PUM1: variants seen among roughly 807,000 people sequenced by gnomAD.
PUM1 encodes the protein pumilio RNA binding family member 1, also known as pumilio homolog 1.
A neutral mutation model predicts 131.8 loss-of-function variants in PUM1; 13 were observed. The ratio of observed to expected loss-of-function variants is 0.10; its 90% confidence interval spans 0.06 to 0.16. PUM1 has a LOEUF of 0.16. PUM1 is among the 10% of genes least tolerant of loss of function. The pLI, the probability that PUM1 is intolerant of heterozygous loss-of-function variation, is 1.00. For missense variants in PUM1, 961 were observed against 1,512.4 expected (o/e 0.64, Z 6.05); for synonymous variants, 509 against 556.5 (o/e 0.91, Z 1.20).
intron 2 of PUM1, among the ~76,000 whole-genome samples, chr1:31,032,521 G>A (rs55685399): frequency 0.017 from 2,575 of 150,198 alleles, 75 homozygotes; most frequent in African/African-American, 0.059. Flanking sequence ...TGTTTTTTGA[G>A]ACTCCTGCTC....
intron 21 of PUM1, 75 bp from the exon 22 acceptor site, chr1:30,933,417 C>T (rs1444301077): frequency 2.5e-5 from 30 of 1,205,660 alleles, no homozygotes; most frequent in Non-Finnish European, 3.4e-5. Context: ...CATGCATTTG[C>T]ATGTCATGCA....
chr1:31,027,929 G>C (rs1643285414), intron 3 of PUM1, among the ~76,000 whole-genome samples: 1 of 152,130 alleles, frequency 6.6e-6, no homozygotes, highest in South Asian at 2.1e-4. Context: ...TCAAATATTA[G>C]ATACACAAAA....
At chr1:31,030,269 T>G (rs539299498) in intron 2 of PUM1, among the ~76,000 whole-genome samples, 10 of 151,996 alleles carry the variant, frequency 6.6e-5, no homozygotes, top group Non-Finnish European at 1.5e-4. Context: ...TGAAAAACAA[T>G]GTTGACTACC....
intron 18 of PUM1, 95 bp downstream of exon 18, chr1:30,945,251 T>G: frequency 7.1e-7 from 1 of 1,404,052 alleles, no homozygotes; most frequent in South Asian, 1.2e-5. Flanking sequence ...ATAAAGTACA[T>G]TAAGCATATT....
intron 2 of PUM1, among the ~76,000 whole-genome samples, chr1:31,044,792 A>G (rs1643913072): frequency 6.6e-6 from 1 of 151,280 alleles, no homozygotes. Context: ...GCTAATTTTT[A>G]TTGTTTTGTT....
chr1:31,019,791 C>T (rs1341579438), intron 3 of PUM1, among the ~76,000 whole-genome samples: 2 of 152,118 alleles, frequency 1.3e-5, no homozygotes, highest in African/African-American at 4.8e-5. Flanking sequence ...GATGAAATTC[C>T]CAGAGTGAAT....
intron 3 of PUM1, among the ~76,000 whole-genome samples, chr1:31,017,524 CTT>C (rs747554543): frequency 6.9e-6 from 1 of 145,004 alleles, no homozygotes; most frequent in Admixed American, 6.9e-5. Flanking sequence ...TTTTTTTCTT[CTT>C]TTTTTTTTTT....
At chr1:31,046,160 G>A (rs1260577032) in intron 2 of PUM1, among the ~76,000 whole-genome samples, 1 of 152,052 alleles carries the variant, frequency 6.6e-6, no homozygotes, top group Non-Finnish European at 1.5e-5. Context: ...GCCAAGGTGG[G>A]CAGATCACCT....
At chr1:31,017,366 A>C (rs1642854547) in intron 3 of PUM1, among the ~76,000 whole-genome samples, 1 of 152,134 alleles carries the variant, frequency 6.6e-6, no homozygotes, top group Non-Finnish European at 1.5e-5. Context: ...GAAGAAATGA[A>C]CCTGGGATAG....
Position 30,951,330 on chromosome 1 carries a change from T to C in PUM1, c.2721+904A>G, listed in dbSNP as rs114232747. Among the ~76,000 whole-genome samples, 792 of 152,348 alleles carry C rather than the reference T, an allele frequency of 5.2e-3. 5 individuals are homozygous for C. The highest frequency in any genetic ancestry group is 0.018 in the African/African-American group (731 of 41,580). Reference sequence around the variant, plus strand: ...AAATCAAAAATACAAAAGTCATGTTTAGATTGGTTTCTTAGTCCAAAGCTG... The same window carrying C: ...AAATCAAAAATACAAAAGTCATGTTCAGATTGGTTTCTTAGTCCAAAGCTG... On this transcript the variant is annotated intron_variant, in intron 16 of 21. Coordinates refer to ENST00000426105, the MANE Select transcript of PUM1 (RefSeq NM_001020658.2).
At position 30,947,871 on chromosome 1, in the gene PUM1, ATTTTTTT is replaced by A. The variant is rs755403369; in HGVS notation, c.2856+2249_2856+2255del. Among the ~76,000 whole-genome samples, 10 of 141,226 alleles carry A rather than the reference ATTTTTTT, an allele frequency of 7.1e-5. No individual in the cohort carries two copies. In the East Asian group the frequency reaches 1.2e-3, roughly 17 times the overall value. The allele number at this position is 141,226 out of a possible 152,430, so 92.6% of individuals were successfully genotyped here. On this transcript the variant is annotated intron_variant, in intron 17 of 21. Transcript: ENST00000426105. ...TTAACCAAGTGTCAGAAGGGAATAA[ATTTTTTT>A]TTTTTTTTTTTTTGAAACAGGGTCT...
chr1:31,057,591 G>T (rs1004139373), intron 2 of PUM1, among the ~76,000 whole-genome samples: 15 of 151,692 alleles, frequency 9.9e-5, no homozygotes, highest in Non-Finnish European at 1.8e-4. Context: ...CAGGTATGGA[G>T]GTGGGTGCCT....
rs1215179873 is a variant in PUM1 at position 30,936,983 on chromosome 1, C to T, written c.3243-148G>A. The T allele has an allele frequency of 2.7e-5, 18 of 655,458 alleles. No individual in the cohort carries two copies. The East Asian group carries it at 4.3e-4, about 16-fold the overall frequency. 40.6% of individuals were successfully genotyped at this position (655,458 alleles called of 1,614,324 possible). A position where few individuals can be genotyped will look rare whatever the true frequency, so the allele number is the denominator to read the frequency against. Reference sequence around the variant, plus strand: ...GGAAGATGAGTCGCCAACTGTCTGACTCTCTCAGTCTCTGACTCTCCACCT... The same window carrying T: ...GGAAGATGAGTCGCCAACTGTCTGATTCTCTCAGTCTCTGACTCTCCACCT... On this transcript the variant is annotated intron_variant, in intron 20 of 21. Transcript: ENST00000426105.
intron 3 of PUM1, among the ~76,000 whole-genome samples, chr1:31,008,688 G>C (rs917068499): frequency 2.0e-5 from 3 of 152,060 alleles, no homozygotes; most frequent in African/African-American, 7.2e-5. Context: ...TTGCTGTGAT[G>C]ATTAGAAATA....
intron 8 of PUM1, 122 bp downstream of exon 8, chr1:30,981,190 T>C: frequency 3.7e-6 from 2 of 542,538 alleles, no homozygotes; most frequent in Non-Finnish European, 6.3e-6. Context: ...GGCCACTTAC[T>C]CTGTCTGAGG....
intron 17 of PUM1, among the ~76,000 whole-genome samples, chr1:30,948,595 A>G (rs1477658951): frequency 1.3e-5 from 2 of 152,180 alleles, no homozygotes; most frequent in Non-Finnish European, 2.9e-5. Context: ...TACCAAAAAT[A>G]CACACATTAA....
chr1:30,935,803 G>A (rs1199889812), intron 21 of PUM1: 1 of 387,642 alleles, frequency 2.6e-6, no homozygotes, highest in Non-Finnish European at 5.1e-6. Context: ...CAATTGAGAA[G>A]GGCTCAGTGA....
intron 18 of PUM1, among the ~76,000 whole-genome samples, chr1:30,944,959 C>T (rs149955431): frequency 1.3e-5 from 2 of 152,296 alleles, no homozygotes; most frequent in East Asian, 3.9e-4. Context: ...AGATCAGGCA[C>T]AGTGGCTCAT....
intron 17 of PUM1, among the ~76,000 whole-genome samples, chr1:30,946,636 C>CAAAAA (rs34267371): frequency 7.4e-5 from 9 of 122,256 alleles, no homozygotes; most frequent in African/African-American, 9.1e-5. Flanking sequence ...GACTCTGTCT[C>CAAAAA]AAAAAAAAAA....
Sources: allele counts gnomAD v4.1 joint callset (sites outside exome capture counted in the v4.1 genomes callset), GRCh38; gene constraint gnomAD v4.1.1; transcripts MANE v1.5; gene names NCBI Gene and HGNC (gene_info 2026-07-23, HGNC 2026-07-21).